EVI5: variants seen among roughly 807,000 people sequenced by gnomAD.
The protein encoded by EVI5 is ecotropic viral integration site 5 protein homolog.
Under a neutral mutation model 112.0 loss-of-function variants are expected in EVI5, and 73 were observed. The observed-to-expected ratio is 0.65, with a 90% CI of 0.54 to 0.79. The LOEUF is 0.79. Among genes scored for constraint, EVI5 ranks in the 30% least tolerant of loss-of-function variants. The pLI, the probability that EVI5 is intolerant of heterozygous loss-of-function variation, is 0.00. For missense variants in EVI5, 900 were observed against 968.8 expected, an observed-to-expected ratio of 0.93 and a Z score of 0.94; for synonymous variants, 305 against 319.9, an observed-to-expected ratio of 0.95 and a Z score of 0.50.
rs564217213 is a variant in EVI5 at position 92,588,277 on chromosome 1, G to T, written c.2070+17030C>A. 3.3e-5 allele frequency among the ~76,000 whole-genome samples: 5 copies of T among 152,142 alleles called. No homozygotes were observed. In the South Asian group the frequency reaches 1.0e-3, roughly 32 times the overall value. Reference sequence around the variant, plus strand: ...CCTCCAATGATTTTCCATCTGAGTCGGGAAAGGTCAAAGTTTTAGGTCCTA... The same window carrying T: ...CCTCCAATGATTTTCCATCTGAGTCTGGAAAGGTCAAAGTTTTAGGTCCTA... On this transcript the variant is annotated intron_variant, in intron 18 of 19. Coordinates refer to ENST00000684568, the MANE Select transcript of EVI5 (RefSeq NM_001350197.2).
intron 16 of EVI5, among the ~76,000 whole-genome samples, chr1:92,607,973 G>T (rs568781096): frequency 1.3e-5 from 2 of 151,506 alleles, no homozygotes; most frequent in Admixed American, 1.3e-4. Flanking sequence ...GTGAAACCCC[G>T]TCTCTACTAA....
chr1:92,617,334 A>T lies in EVI5; in HGVS notation c.1827+6842T>A, dbSNP rs565693127. On this transcript the variant is annotated intron_variant, in intron 16 of 19. Transcript: ENST00000684568. Reference sequence around the variant, plus strand: ...GGCTGGATGGTCAGGGACTTCAAAGAAGCATGATTAGAAAATTGGTGACAA... The same window carrying T: ...GGCTGGATGGTCAGGGACTTCAAAGTAGCATGATTAGAAAATTGGTGACAA... 2.0e-5 allele frequency among the ~76,000 whole-genome samples: 3 copies of T among 152,330 alleles called. No individual in the cohort carries two copies. In the South Asian group the frequency reaches 6.2e-4, roughly 32 times the overall value.
intron 16 of EVI5, among the ~76,000 whole-genome samples, chr1:92,620,485 G>A (rs971158384): frequency 6.8e-6 from 1 of 146,522 alleles, no homozygotes; most frequent in Non-Finnish European, 1.5e-5. Flanking sequence ...TATCATATTC[G>A]ACCTGCTACA....
At chr1:92,553,075 A>C (rs1266216805) in intron 19 of EVI5, among the ~76,000 whole-genome samples, 1 of 152,248 alleles carries the variant, frequency 6.6e-6, no homozygotes, top group South Asian at 2.1e-4. Flanking sequence ...ATAACATAAA[A>C]CTGAAAAGTG....
chr1:92,789,317 CTTCTTT>C (rs1344555892), upstream of EVI5, among the ~76,000 whole-genome samples: 3 of 151,244 alleles, frequency 2.0e-5, no homozygotes, highest in African/African-American at 7.3e-5. Flanking sequence ...TCAGCTTCTT[CTTCTTT>C]TTTTTTTCTC....
chr1:92,697,998 A>G lies in EVI5; in HGVS notation c.640-13T>C, dbSNP rs201919664. 86 of 1,590,464 alleles carry G rather than the reference A, an allele frequency of 5.4e-5. No homozygotes were observed. In the African/African-American group the frequency reaches 1.0e-3, roughly 19 times the overall value. On this transcript the variant is annotated splice_polypyrimidine_tract_variant and intron_variant, in intron 5 of 19. Transcript: ENST00000684568. ...CTTCTTCTGGCATCTACATTGGAAG[A>G]AAAAAAAACAACATAGGTTAATGTT...
chr1:92,633,304 G>A (rs998908367), intron 14 of EVI5, among the ~76,000 whole-genome samples: 4 of 152,198 alleles, frequency 2.6e-5, no homozygotes, highest in Admixed American at 2.6e-4. Flanking sequence ...TTGTGTGGGA[G>A]TCTAAGTCTC....
At chr1:92,676,134 T>A (rs1210306277) in intron 10 of EVI5, among the ~76,000 whole-genome samples, 1 of 151,280 alleles carries the variant, frequency 6.6e-6, no homozygotes, top group African/African-American at 2.4e-5. Context: ...GAAATGGGAA[T>A]AGAACCTCTA....
chr1:92,574,144 C>G (rs780888041), intron 18 of EVI5, among the ~76,000 whole-genome samples: 18 of 152,038 alleles, frequency 1.2e-4, no homozygotes, highest in African/African-American at 3.9e-4. Flanking sequence ...TAACGACCTA[C>G]GCACACACAT....
At chr1:92,656,380 G>C (rs943914120) in intron 13 of EVI5, among the ~76,000 whole-genome samples, 6 of 151,680 alleles carry the variant, frequency 4.0e-5, no homozygotes, top group Non-Finnish European at 7.4e-5. Flanking sequence ...AAAACCTCTG[G>C]GATATAGCAA....
intron 18 of EVI5, among the ~76,000 whole-genome samples, chr1:92,576,041 A>G (rs1220450276): frequency 1.1e-4 from 17 of 152,186 alleles, no homozygotes; most frequent in Admixed American, 1.1e-3. Context: ...GTAAACTAAT[A>G]CAATGCATAT....
chr1:92,783,390 C>A (rs1410675988), intron 1 of EVI5, among the ~76,000 whole-genome samples: 1 of 146,066 alleles, frequency 6.8e-6, no homozygotes, highest in Non-Finnish European at 1.5e-5. Flanking sequence ...AAAAATTAGC[C>A]GGGCGTGGTG....
intron 18 of EVI5, among the ~76,000 whole-genome samples, chr1:92,597,839 G>A (rs1333340831): frequency 2.0e-5 from 3 of 152,128 alleles, no homozygotes; most frequent in South Asian, 2.1e-4. Flanking sequence ...TGGGCAGATC[G>A]CTTGAGCTCA....
chr1:92,650,980 A>T (rs1165563914), intron 13 of EVI5, among the ~76,000 whole-genome samples: 2 of 152,132 alleles, frequency 1.3e-5, no homozygotes, highest in African/African-American at 4.8e-5. Context: ...AGCTCTCCAA[A>T]ACTAGCTTAC....
chr1:92,715,308 C>G (rs900117870), intron 2 of EVI5, among the ~76,000 whole-genome samples: 2 of 152,148 alleles, frequency 1.3e-5, no homozygotes, highest in Non-Finnish European at 2.9e-5. Flanking sequence ...CGTGCCCTGA[C>G]AGTTTCAATG....
At chr1:92,663,679 A>C (rs1664402936) in intron 11 of EVI5, among the ~76,000 whole-genome samples, 1 of 152,186 alleles carries the variant, frequency 6.6e-6, no homozygotes, top group Non-Finnish European at 1.5e-5. Flanking sequence ...TCCAGAAGAT[A>C]CCAAACACAA....
chr1:92,752,880 T>C (rs776150577), intron 1 of EVI5, among the ~76,000 whole-genome samples: 2 of 152,148 alleles, frequency 1.3e-5, no homozygotes, highest in Non-Finnish European at 2.9e-5. Context: ...ATCTACTTTC[T>C]AAAAGAACAC....
At chr1:92,726,636 T>C (rs1464731362) in intron 2 of EVI5, among the ~76,000 whole-genome samples, 5 of 152,164 alleles carry the variant, frequency 3.3e-5, no homozygotes, top group Admixed American at 6.5e-5. Context: ...GCATTAGAAA[T>C]GGTAACTAAA....
At chr1:92,692,643 A>G (rs1284721925) in intron 9 of EVI5, among the ~76,000 whole-genome samples, 1 of 152,210 alleles carries the variant, frequency 6.6e-6, no homozygotes, top group African/African-American at 2.4e-5. Context: ...CTCCTGCCTC[A>G]GCCTCCGGAG....
Sources: allele counts gnomAD v4.1 joint callset (sites outside exome capture counted in the v4.1 genomes callset), GRCh38; gene constraint gnomAD v4.1.1; transcripts MANE v1.5; gene names NCBI Gene and HGNC (gene_info 2026-07-23, HGNC 2026-07-21).